Variants in CNTNAP2 observed in about 807,000 individuals in gnomAD.
CNTNAP2 encodes the protein contactin associated protein 2, also known as contactin-associated protein-like 2.
CNTNAP2 carries 98 observed loss-of-function variants against 155.2 expected under a neutral mutation model. The ratio of observed to expected loss-of-function variants is 0.63; its 90% confidence interval spans 0.54 to 0.75. The LOEUF (loss-of-function observed/expected upper bound fraction) is 0.75, where lower values mean the gene tolerates loss of function less well. Among genes scored for constraint, CNTNAP2 ranks in the 30% least tolerant of loss-of-function variants. The pLI is 0.00. For missense variants in CNTNAP2, 1,727 were observed against 1,688.1 expected (o/e 1.02, Z -0.40); for synonymous variants, 651 against 631.2 (o/e 1.03, Z -0.47).
chr7:146,780,641 G>C (rs966084850), intron 2 of CNTNAP2, among the ~76,000 whole-genome samples: 1 of 151,946 alleles, frequency 6.6e-6, no homozygotes, highest in African/African-American at 2.4e-5. Flanking sequence ...ACCAATGATG[G>C]ACTGGATAAA....
chr7:147,390,880 A>G (rs1796702938), intron 9 of CNTNAP2, among the ~76,000 whole-genome samples: 1 of 152,118 alleles, frequency 6.6e-6, no homozygotes, highest in Non-Finnish European at 1.5e-5. Context: ...TGTTCACCCT[A>G]CAGCCCACAG....
At chr7:147,810,393 A>G (rs1428693349) in intron 13 of CNTNAP2, among the ~76,000 whole-genome samples, 1 of 152,086 alleles carries the variant, frequency 6.6e-6, no homozygotes, top group Non-Finnish European at 1.5e-5. Context: ...CTGTACTAAA[A>G]AAAACAGCTG....
At chr7:147,067,145 G>T (rs1350200399) in intron 4 of CNTNAP2, among the ~76,000 whole-genome samples, 3 of 152,088 alleles carry the variant, frequency 2.0e-5, no homozygotes, top group African/African-American at 4.8e-5. Context: ...ACAAAAATTA[G>T]CCGGGCATGG....
intron 1 of CNTNAP2, among the ~76,000 whole-genome samples, chr7:146,458,149 A>G (rs548644148): frequency 4.6e-5 from 7 of 152,072 alleles, no homozygotes; most frequent in Admixed American, 2.0e-4. Flanking sequence ...TGTCAGGGGT[A>G]TGTGGGGAGG....
rs182933034 is a variant in CNTNAP2, at chr7:147,433,988, T to G, written c.1670+38208T>G. Among the ~76,000 whole-genome samples, 3 of 152,318 alleles carry G rather than the reference T, an allele frequency of 2.0e-5. No homozygotes were observed. In the East Asian group the frequency reaches 5.8e-4, roughly 29 times the overall value. Reference sequence around the variant, plus strand: ...TAAAGTATTCAGAAGCTTTTTCTACTTTGTATAAATACCTTATCAGTCCTC... The same window carrying G: ...TAAAGTATTCAGAAGCTTTTTCTACGTTGTATAAATACCTTATCAGTCCTC... On this transcript the variant is annotated intron_variant, in intron 10 of 23. Coordinates refer to ENST00000361727, the MANE Select transcript of CNTNAP2 (RefSeq NM_014141.6).
At chr7:147,688,879 T>C (rs1375434923) in intron 13 of CNTNAP2, among the ~76,000 whole-genome samples, 6 of 152,208 alleles carry the variant, frequency 3.9e-5, no homozygotes, top group African/African-American at 1.4e-4. Flanking sequence ...ACTGTACACA[T>C]GTCAGCATTC....
chr7:146,517,563 C>T (rs1316172761), intron 1 of CNTNAP2, among the ~76,000 whole-genome samples: 1 of 151,884 alleles, frequency 6.6e-6, no homozygotes, highest in Non-Finnish European at 1.5e-5. Flanking sequence ...TAGCACAGAT[C>T]ATGGAGAGAC....
At chr7:148,247,448 C>T (rs547420515) in intron 20 of CNTNAP2, among the ~76,000 whole-genome samples, 1 of 152,116 alleles carries the variant, frequency 6.6e-6, no homozygotes, top group East Asian at 1.9e-4. Flanking sequence ...TGACTCATTC[C>T]CATCAGCAAA....
intron 1 of CNTNAP2, among the ~76,000 whole-genome samples, chr7:146,140,681 A>G (rs1015735941): frequency 6.6e-6 from 1 of 152,056 alleles, no homozygotes; most frequent in African/African-American, 2.4e-5. Flanking sequence ...TATTTTGTTG[A>G]TAATGGATCT....
At chr7:147,046,063 TA>T (rs1799350564) in intron 4 of CNTNAP2, among the ~76,000 whole-genome samples, 1 of 152,110 alleles carries the variant, frequency 6.6e-6, no homozygotes, top group South Asian at 2.1e-4. Flanking sequence ...TTAATAATAA[TA>T]AAAATAGTAA....
chr7:146,260,555 G>T (rs1799904959), intron 1 of CNTNAP2, among the ~76,000 whole-genome samples: 1 of 152,198 alleles, frequency 6.6e-6, no homozygotes, highest in Non-Finnish European at 1.5e-5. Context: ...GTGAGACATG[G>T]AGTCAAAAGA....
chr7:146,245,132 A>G (rs1224239138), intron 1 of CNTNAP2, among the ~76,000 whole-genome samples: 1 of 152,118 alleles, frequency 6.6e-6, no homozygotes, highest in East Asian at 1.9e-4. Context: ...TGGAACTGCC[A>G]TCAATAAATC....
intron 13 of CNTNAP2, among the ~76,000 whole-genome samples, chr7:147,692,489 G>T (rs851720): frequency 0.24 from 36,475 of 152,018 alleles, 6,883 homozygotes; most frequent in African/African-American, 0.52. Flanking sequence ...AATAAGAGCT[G>T]TCATTGCTTC....
intron 15 of CNTNAP2, among the ~76,000 whole-genome samples, chr7:148,068,897 T>C (rs1803321528): frequency 6.6e-6 from 1 of 152,180 alleles, no homozygotes; most frequent in African/African-American, 2.4e-5. Context: ...CTTCTGCAGA[T>C]CACTTAAGTT....
chr7:146,352,748 C>CTTTTTTTTTTTT (rs1201897985), intron 1 of CNTNAP2, among the ~76,000 whole-genome samples: 7 of 66,216 alleles, frequency 1.1e-4, no homozygotes, highest in African/African-American at 4.7e-4. Context: ...TAGCATAATT[C>CTTTTTTTTTTTT]TGTTTTTTTT....
At chr7:148,272,706 A>G (rs1334472253) in intron 21 of CNTNAP2, among the ~76,000 whole-genome samples, 1 of 152,212 alleles carries the variant, frequency 6.6e-6, no homozygotes, top group Non-Finnish European at 1.5e-5. Context: ...GAAAAAACTT[A>G]GGAAATTGGT....
chr7:147,975,414 A>C (rs1801412788), intron 14 of CNTNAP2, among the ~76,000 whole-genome samples: 1 of 151,640 alleles, frequency 6.6e-6, no homozygotes, highest in African/African-American at 2.4e-5. Flanking sequence ...AATTCATTGA[A>C]CTGTACCTTT....
At chr7:148,005,493 G>A (rs550542850) in intron 15 of CNTNAP2, among the ~76,000 whole-genome samples, 48 of 152,062 alleles carry the variant, frequency 3.2e-4, no homozygotes, top group African/African-American at 1.1e-3. Flanking sequence ...GTAAACAATC[G>A]CCACTGTTAT....
chr7:147,793,243 C>A (rs1797847343), intron 13 of CNTNAP2, among the ~76,000 whole-genome samples: 1 of 151,930 alleles, frequency 6.6e-6, no homozygotes, highest in South Asian at 2.1e-4. Context: ...AGTATCATAT[C>A]TAAGAAACCA....
Sources: allele counts gnomAD v4.1 joint callset (sites outside exome capture counted in the v4.1 genomes callset), GRCh38; gene constraint gnomAD v4.1.1; transcripts MANE v1.5; gene names NCBI Gene and HGNC (gene_info 2026-07-23, HGNC 2026-07-21).